TECR: variants seen among roughly 807,000 people sequenced by gnomAD.
TECR encodes the protein very-long-chain enoyl-CoA reductase.
Under a neutral mutation model 50.6 loss-of-function variants are expected in TECR, and 19 were observed. That is an observed-to-expected ratio of 0.38 (90% CI 0.26 to 0.55). The LOEUF is 0.55. Among genes scored for constraint, TECR ranks in the 20% least tolerant of loss-of-function variants. The probability of loss-of-function intolerance (pLI) is 0.79; values close to 1 mark genes in which losing one functional copy is unlikely to be tolerated. For synonymous variants in TECR, 168 were observed against 163.5 expected (o/e 1.03, Z -0.21); for missense variants, 313 against 408.3 (o/e 0.77, Z 2.01).
At chr19:14,559,570 T>C (rs2073843862) in intron 1 of TECR, among the ~76,000 whole-genome samples, 1 of 152,146 alleles carries the variant, frequency 6.6e-6, no homozygotes, top group African/African-American at 2.4e-5. Context: ...GTGGATTGCC[T>C]GAGCTCAGGA....
rs1178403408 is a variant in TECR at position 14,544,604 on chromosome 19, C to T, written c.15+14893C>T. Among the ~76,000 whole-genome samples the T allele has an allele frequency of 9.4e-5, 14 of 149,420 alleles. No homozygotes were observed. The Admixed American group carries it at 9.4e-4, about 10-fold the overall frequency. On this transcript the variant is annotated intron_variant, in intron 1 of 12. Coordinates refer to ENST00000215567, the MANE Select transcript of TECR (RefSeq NM_138501.6). ...GTTCTGCTCTTCCATGAACCGGGCT[C>T]ATCTTTTGCTGCTGCGGTGTTTGGC...
chr19:14,556,075 C>T (rs181057884), intron 1 of TECR, among the ~76,000 whole-genome samples: 2 of 152,340 alleles, frequency 1.3e-5, no homozygotes, highest in African/African-American at 2.4e-5. Flanking sequence ...AAGCTAACGT[C>T]CTCCCCGTGG....
Position 14,549,100 on chromosome 19 carries a change from G to A in TECR, c.16-13425G>A, listed in dbSNP as rs150282354. Reference sequence around the variant, plus strand: ...ACAAAAGTTAAAGCCATTTTTAGTCGGTTCAAAAGCCGGCAGTAGACCAGA... The same window carrying A: ...ACAAAAGTTAAAGCCATTTTTAGTCAGTTCAAAAGCCGGCAGTAGACCAGA... On this transcript the variant is annotated intron_variant, in intron 1 of 12. Transcript: ENST00000215567. Among the ~76,000 whole-genome samples the A allele has an allele frequency of 7.1e-3, 1,077 of 151,800 alleles. 11 individuals carry two copies. Among genetic ancestry groups the A allele is most frequent in the African/African-American group, 0.025 (1,044 of 41,374 alleles).
intron 1 of TECR, among the ~76,000 whole-genome samples, chr19:14,549,498 A>G (rs997548787): frequency 3.3e-5 from 5 of 151,880 alleles, no homozygotes; most frequent in Non-Finnish European, 5.9e-5. Context: ...TAAGTTTTTA[A>G]AAGTTTTTGT....
chr19:14,537,744 G>GTTTTTTTT (rs533380690), intron 1 of TECR, among the ~76,000 whole-genome samples: 1 of 126,274 alleles, frequency 7.9e-6, no homozygotes, highest in Non-Finnish European at 1.7e-5. Flanking sequence ...AATTATCAGT[G>GTTTTTTTT]TTTTTTTTTT....
At chr19:14,564,161 G>T (rs756676736) in intron 6 of TECR, 21 bp from the exon 7 acceptor site, 11 of 1,606,282 alleles carry the variant, frequency 6.8e-6, no homozygotes, top group South Asian at 2.2e-5. Flanking sequence ...AGCCCCAGCT[G>T]AGCCTGCTCC....
chr19:14,561,210 C>T (rs950538450), intron 1 of TECR, among the ~76,000 whole-genome samples: 1 of 152,158 alleles, frequency 6.6e-6, no homozygotes, highest in African/African-American at 2.4e-5. Flanking sequence ...CCTGGGATGG[C>T]CCCAGCCCAG....
intron 7 of TECR, among the ~76,000 whole-genome samples, chr19:14,564,511 C>A (rs1198053479): frequency 7.4e-6 from 1 of 134,334 alleles, no homozygotes; most frequent in African/African-American, 2.9e-5. Flanking sequence ...CCTGCCTATC[C>A]ACCCTAGTCC....
intron 1 of TECR, among the ~76,000 whole-genome samples, chr19:14,542,734 G>A (rs1048534030): frequency 6.6e-6 from 1 of 152,076 alleles, no homozygotes; most frequent in Non-Finnish European, 1.5e-5. Context: ...TGGATTGCGT[G>A]TGGGGCTTAC....
intron 1 of TECR, among the ~76,000 whole-genome samples, chr19:14,540,637 C>G (rs2073066687): frequency 1.3e-5 from 2 of 152,004 alleles, no homozygotes; most frequent in Admixed American, 1.3e-4. Flanking sequence ...AGTGATCCAC[C>G]TGCCTGGGCC....
intron 1 of TECR, among the ~76,000 whole-genome samples, chr19:14,550,997 C>T (rs1052581030): frequency 6.6e-6 from 1 of 151,712 alleles, no homozygotes; most frequent in Non-Finnish European, 1.5e-5. Context: ...GAGGACACTC[C>T]TTTCTCTTAT....
intron 1 of TECR, among the ~76,000 whole-genome samples, chr19:14,558,574 G>A (rs1042336579): frequency 5.9e-5 from 9 of 152,126 alleles, no homozygotes; most frequent in Admixed American, 2.0e-4. Context: ...GCCACAGGCC[G>A]GCAGAGCCAC....
At position 14,563,533 on chromosome 19, in the gene TECR, G is replaced by A. The variant is rs2073967596; in HGVS notation, c.119-125G>A. The stretch of plus-strand genomic sequence containing the variant: ...AGCCTGAGGGTTTGCCCCCAGGTGG[G>A]AGGAGCTGTGGAGTCCTGGGGTCCT... On this transcript the variant is annotated intron_variant, in intron 3 of 12. Coordinates refer to ENST00000215567, the MANE Select transcript of TECR (RefSeq NM_138501.6). The surrounding 1 kb of genome is among the most constrained non-coding windows in gnomAD (Gnocchi z 5.3). The A allele has an allele frequency of 1.6e-5, 20 of 1,278,650 alleles. No homozygotes were observed. In the South Asian group the frequency reaches 2.3e-4, roughly 15 times the overall value. 79.2% of individuals were successfully genotyped at this position (1,278,650 alleles called of 1,614,324 possible).
chr19:14,533,815 G>C (rs2072761770), intron 1 of TECR: 1 of 152,208 alleles, frequency 6.6e-6, no homozygotes, highest in South Asian at 2.1e-4. Context: ...TAGAATACCA[G>C]AGCAGGCCTT....
At chr19:14,562,138 C>T in intron 1 of TECR, 1 of 561,296 alleles carries the variant, frequency 1.8e-6, no homozygotes, top group Non-Finnish European at 3.2e-6. Flanking sequence ...GGCATGGCTC[C>T]TGGGGGGCGC....
At position 14,563,406 on chromosome 19, in the gene TECR, G is replaced by A. The variant is rs776461646; in HGVS notation, c.118+149G>A. 3 of 873,116 alleles carry A rather than the reference G, an allele frequency of 3.4e-6. No individual in the cohort carries two copies. The South Asian group carries it at 4.4e-5, about 13-fold the overall frequency. 54.1% of individuals were successfully genotyped at this position (873,116 alleles called of 1,614,324 possible). On this transcript the variant is annotated intron_variant, in intron 3 of 12. Coordinates refer to ENST00000215567, the MANE Select transcript of TECR (RefSeq NM_138501.6). This position sits in a 1 kb window ranked among gnomAD's most constrained non-coding sequence, Gnocchi z 5.3. ...CTTCTGGGGCGTGACTGGGGCAGGC[G>A]CCTCCACGTGGCACTCCGCAGGAAC...
chr19:14,532,122 GA>G (rs1376700257), intron 1 of TECR: 1 of 152,062 alleles, frequency 6.6e-6, no homozygotes, highest in African/African-American at 2.4e-5. Context: ...TTAACAGTCA[GA>G]TAAAGTAGGC....
At chr19:14,564,716 A>G (rs2146635940) in intron 7 of TECR, 70 bp from the exon 8 acceptor site, 1 of 1,464,224 alleles carries the variant, frequency 6.8e-7, no homozygotes, top group South Asian at 1.1e-5. Context: ...GCCCCTCGGG[A>G]TGAGACATGG....
intron 1 of TECR, among the ~76,000 whole-genome samples, chr19:14,542,890 G>T (rs1248806898): frequency 1.2e-4 from 19 of 152,060 alleles, no homozygotes; most frequent in Admixed American, 6.6e-5. Flanking sequence ...CTCTGTCCCT[G>T]CTCGAATCAG....
Sources: gnomAD v4.1 joint callset for allele counts (sites outside exome capture counted in the v4.1 genomes callset) on GRCh38, gnomAD v4.1.1 for gene constraint, Gnocchi (gnomAD v3.1) non-coding constraint, MANE v1.5 for transcripts, NCBI Gene and HGNC (gene_info 2026-07-23, HGNC 2026-07-21) for gene names.